The following EBNA1BP2 variants were observed in gnomAD, a reference collection of about 807,000 sequenced individuals.
EBNA1BP2 encodes the protein probable rRNA-processing protein EBP2.
EBNA1BP2 carries 36 observed loss-of-function variants against 43.5 expected under a neutral mutation model. The ratio of observed to expected loss-of-function variants is 0.83; its 90% confidence interval spans 0.63 to 1.09. The LOEUF (loss-of-function observed/expected upper bound fraction) is 1.09, where lower values mean the gene tolerates loss of function less well. Ranked by LOEUF, EBNA1BP2 falls within the 50% of genes least tolerant of loss-of-function variation. The pLI is 0.00. For synonymous variants in EBNA1BP2, 127 were observed against 141.3 expected, an observed-to-expected ratio of 0.90 and a Z score of 0.72; for missense variants, 332 against 379.1, an observed-to-expected ratio of 0.88 and a Z score of 1.03.
At chr1:43,166,764 C>T (rs1644920949) in intron 7 of EBNA1BP2, 62 bp downstream of exon 7, 2 of 1,520,508 alleles carry the variant, frequency 1.3e-6, no homozygotes, top group East Asian at 2.2e-5. Context: ...CTGCCATACT[C>T]GTGACCTGTG....
intron 7 of EBNA1BP2, among the ~76,000 whole-genome samples, chr1:43,165,945 G>T (rs981856170): frequency 2.0e-5 from 3 of 152,136 alleles, no homozygotes; most frequent in African/African-American, 7.2e-5. Flanking sequence ...CCCAGACCCT[G>T]TCAGGTATTT....
At chr1:43,169,161 T>C (rs887180108) in intron 4 of EBNA1BP2, 133 bp from the exon 5 acceptor site, 3 of 923,738 alleles carry the variant, frequency 3.2e-6, no homozygotes, top group Admixed American at 4.0e-5. Flanking sequence ...TTCCAACCCC[T>C]GAGGACAATG....
chr1:43,172,329 T>C (rs1644993814), upstream of EBNA1BP2: 6 of 1,551,620 alleles, frequency 3.9e-6, no homozygotes, highest in Non-Finnish European at 5.2e-6. Flanking sequence ...CGGCAAACCA[T>C]ACTTCCGGTT....
chr1:43,166,012 T>C (rs1644915725), intron 7 of EBNA1BP2, among the ~76,000 whole-genome samples: 1 of 152,226 alleles, frequency 6.6e-6, no homozygotes, highest in Non-Finnish European at 1.5e-5. Flanking sequence ...CTTACTATCT[T>C]ACATGGAAAT....
At chr1:43,172,444 G>T, upstream of EBNA1BP2, 1 of 1,548,142 alleles carries the variant, frequency 6.5e-7, no homozygotes. Context: ...GACCCAGAGA[G>T]AAACGAAAGG....
rs751311462 is a variant in EBNA1BP2, at chr1:43,171,205, ATGTT to A, written c.323+270_323+273del. On this transcript the variant is annotated intron_variant, in intron 3 of 8. Transcript: ENST00000236051. ...TCCACACAAGAACATCCCATAAGCA[ATGTT>A]TGTTTGTTTGTTTTCCTAATAACTG... is the stretch of plus-strand genomic sequence containing the variant. 4.0e-4 allele frequency: 189 copies of A among 477,296 alleles called. 1 individual carries two copies. Among genetic ancestry groups the A allele is most frequent in the Middle Eastern group, 5.4e-4 (1 of 1,846 alleles). The allele number at this position is 477,296 out of a possible 1,614,324, so 29.6% of individuals were successfully genotyped here. A position where few individuals can be genotyped will look rare whatever the true frequency, so the allele number is the denominator to read the frequency against.
intron 4 of EBNA1BP2, among the ~76,000 whole-genome samples, 179 bp downstream of exon 4, chr1:43,170,577 A>G (rs1238640277): frequency 6.6e-6 from 1 of 152,202 alleles, no homozygotes; most frequent in Non-Finnish European, 1.5e-5. Context: ...TGTCATTTTT[A>G]TATGCATCTA....
chr1:43,164,608 G>C (rs2124159512), intron 8 of EBNA1BP2, 35 bp downstream of exon 8: 1 of 1,613,896 alleles, frequency 6.2e-7, no homozygotes. Context: ...GGGAGGCTGA[G>C]CCTGCTCCTC....
Position 43,166,867 on chromosome 1 carries a change from C to A in EBNA1BP2, c.666G>T (p.Gln222His). 2 of 1,612,796 alleles carry A rather than the reference C, an allele frequency of 1.2e-6. No homozygotes were observed. Among genetic ancestry groups the A allele is most frequent in the Non-Finnish European group, 1.7e-6 (2 of 1,179,622 alleles). ...GGCCTTTGGCTCCTGCCTTCTTGCG[C>A]TGTGCCAGAGGTTTCTGATCTCCCT... is the stretch of plus-strand genomic sequence containing the variant. ...FLEGDQKPLA[Q>H]RKKAGAKGQQ... The change falls in exon 7 of 9, where the codon CAG (glutamine) becomes CAT (histidine). Residue 222 changes from glutamine (Q) to histidine (H), a missense_variant. This residue lies in a region of EBNA1BP2 where 91 missense variants were observed against 152.1 expected (regional missense o/e 0.60). Transcript: ENST00000236051.
chr1:43,166,738 G>T, intron 7 of EBNA1BP2, 88 bp downstream of exon 7: 1 of 1,331,158 alleles, frequency 7.5e-7, no homozygotes. Context: ...TGGCTGCGCC[G>T]GTGGAGGTGC....
chr1:43,167,029 G>A, intron 6 of EBNA1BP2, 110 bp from the exon 7 acceptor site: 2 of 1,475,600 alleles, frequency 1.4e-6, no homozygotes, highest in South Asian at 2.3e-5. Context: ...GTCACATCCT[G>A]CTCTCCAACA....
chr1:43,171,641 T>A lies in EBNA1BP2; in HGVS notation c.161A>T (p.Lys54Met). 6.2e-7 allele frequency: 1 copy of A among 1,613,476 alleles called. No individual in the cohort carries two copies. The change falls in exon 3 of 9, where the codon AAG becomes ATG. Residue 54 changes from lysine (K) to methionine (M), a missense_variant. By Grantham distance (95) the Lys-to-Met change is moderately conservative. Coordinates refer to ENST00000236051, the MANE Select transcript of EBNA1BP2 (RefSeq NM_006824.3). ...CCGCTTGAATTCTGCCAAACATTGC[T>A]TCAGGCCATTCTAGGAAATCCAGAC... The part of the protein sequence containing the change: ...KKAVNDVNGL[K>M]QCLAEFKRDL...
chr1:43,172,253 C>G lies in EBNA1BP2; in HGVS notation c.-135G>C. On this transcript the variant is annotated 5_prime_UTR_variant, in exon 1 of 9. Coordinates refer to ENST00000236051, the MANE Select transcript of EBNA1BP2 (RefSeq NM_006824.3). The stretch of plus-strand genomic sequence containing the variant: ...CCCACGCCGTGGCTCCACGTGCCAC[C>G]GAATCGCTCCAGCGCCAGCAACTCA... 1 of 1,557,528 alleles carries G rather than the reference C, an allele frequency of 6.4e-7. No individual in the cohort carries two copies. Among genetic ancestry groups the G allele is most frequent in the Non-Finnish European group, 8.7e-7 (1 of 1,149,662 alleles).
At chr1:43,164,878 TCA>T in intron 7 of EBNA1BP2, 73 bp from the exon 8 acceptor site, 2 of 1,564,164 alleles carry the variant, frequency 1.3e-6, no homozygotes, top group Non-Finnish European at 1.7e-6. Flanking sequence ...AGCAATGCTC[TCA>T]GTTTCCTTTC....
rs139332366 is a variant in EBNA1BP2, at chr1:43,167,241, A to G, written c.538-6T>C. On this transcript the variant is annotated splice_polypyrimidine_tract_variant and splice_region_variant and intron_variant, in intron 5 of 8. Transcript: ENST00000236051. ...TGAAGAACCTCCGTTTGCACCTGTG[A>G]TATGAACACAAGGACCGTTACAGCC... is the stretch of plus-strand genomic sequence containing the variant. The G allele has an allele frequency of 5.6e-5, 90 of 1,614,012 alleles. No homozygotes were observed. The East Asian group carries it at 1.7e-3, about 31-fold the overall frequency.
intron 4 of EBNA1BP2, 143 bp from the exon 5 acceptor site, chr1:43,169,171 G>A: frequency 1.2e-6 from 1 of 839,882 alleles, no homozygotes; most frequent in Non-Finnish European, 1.9e-6. Flanking sequence ...TGAGGACAAT[G>A]GGGCCCACAG....
chr1:43,164,331 G>T lies in EBNA1BP2; in HGVS notation c.*112C>A. ...GTGTTCCTTTAATAATTTTTCTTTA[G>T]TTTATTGAAAGAAATGTTTACAACA... On this transcript the variant is annotated 3_prime_UTR_variant, in exon 9 of 9. Transcript: ENST00000236051. The T allele has an allele frequency of 7.6e-7, 1 of 1,320,098 alleles. No individual in the cohort carries two copies. Among genetic ancestry groups the T allele is most frequent in the Admixed American group, 2.0e-5 (1 of 50,412 alleles). The allele number at this position is 1,320,098 out of a possible 1,614,324, so 81.8% of individuals were successfully genotyped here. A position where few individuals can be genotyped will look rare whatever the true frequency, so the allele number is the denominator to read the frequency against.
chr1:43,170,942 C>T lies in EBNA1BP2; in HGVS notation c.324-63G>A, dbSNP rs116330455. On this transcript the variant is annotated intron_variant, in intron 3 of 8. Transcript: ENST00000236051. Reference sequence around the variant, plus strand: ...GAGGAGGCCTTACGTTCCTTTTCACCGCCAATCATGAGTTATCCAAGCTCA... The same window carrying T: ...GAGGAGGCCTTACGTTCCTTTTCACTGCCAATCATGAGTTATCCAAGCTCA... 4.0e-3 allele frequency: 5,873 copies of T among 1,471,536 alleles called. 25 individuals are homozygous for T. Among genetic ancestry groups the T allele is most frequent in the South Asian group, 0.01 (677 of 67,404 alleles). 91.2% of individuals were successfully genotyped at this position (1,471,536 alleles called of 1,614,324 possible). A position where few individuals can be genotyped will look rare whatever the true frequency, so the allele number is the denominator to read the frequency against.
At chr1:43,167,281 C>T in intron 5 of EBNA1BP2, 46 bp from the exon 6 acceptor site, 1 of 1,555,808 alleles carries the variant, frequency 6.4e-7, no homozygotes, top group Non-Finnish European at 8.9e-7. Flanking sequence ...CATACCATTA[C>T]TCCAGTGTCT....
Sources: gnomAD v4.1 joint callset for allele counts (sites outside exome capture counted in the v4.1 genomes callset) on GRCh38, gnomAD v4.1.1 for gene constraint, gnomAD v4.1.1 regional missense constraint, MANE v1.5 for transcripts, NCBI Gene and HGNC (gene_info 2026-07-23, HGNC 2026-07-21) for gene names.